The following ACTR3C variants were observed in gnomAD, a reference collection of about 807,000 sequenced individuals.
ACTR3C encodes the protein actin related protein 3C.
ACTR3C carries 18 observed loss-of-function variants against 26.3 expected under a neutral mutation model. That is an observed-to-expected ratio of 0.68 (90% CI 0.47 to 1.01). The LOEUF (loss-of-function observed/expected upper bound fraction) is 1.01, where lower values mean the gene tolerates loss of function less well. ACTR3C is among the 50% of genes least tolerant of loss of function. The probability of loss-of-function intolerance (pLI) is 0.00; values close to 1 mark genes in which losing one functional copy is unlikely to be tolerated. For synonymous variants in ACTR3C, 55 were observed against 94.5 expected (o/e 0.58, Z 2.42); for missense variants, 184 against 250.7 (o/e 0.73, Z 1.80).
At chr7:150,242,268 C>T (rs945168280), downstream of ACTR3C, among the ~76,000 whole-genome samples, 1 of 150,650 alleles carries the variant, frequency 6.6e-6, no homozygotes, top group Admixed American at 6.6e-5. Context: ...AATGGAAGTA[C>T]TACTCATTGA....
At chr7:150,208,269 G>C in the ACTR3C span, among the ~76,000 whole-genome samples, 1 of 152,264 alleles carries the variant, frequency 6.6e-6, no homozygotes, top group East Asian at 1.9e-4. Flanking sequence ...TTGCGCTAAA[G>C]GGTCTGAAAG....
chr7:150,253,727 G>A (rs1306823006), intron 6 of ACTR3C, among the ~76,000 whole-genome samples: 7 of 151,824 alleles, frequency 4.6e-5, no homozygotes, highest in African/African-American at 1.7e-4. Context: ...ATTACATGTT[G>A]ATCCTTTTTA....
At chr7:150,149,120 TATATATG>T in the ACTR3C span, among the ~76,000 whole-genome samples, 1 of 108,626 alleles carries the variant, frequency 9.2e-6, no homozygotes, top group Non-Finnish European at 1.9e-5. Flanking sequence ...TATATATATA[TATATATG>T]CATTGGCCAT....
At chr7:150,238,931 T>G (rs1256120602), downstream of ACTR3C, among the ~76,000 whole-genome samples, 1 of 149,558 alleles carries the variant, frequency 6.7e-6, no homozygotes, top group African/African-American at 2.5e-5. Context: ...CTCTATAACA[T>G]TCATATGACA....
At chr7:150,303,872 A>C (rs2129614513) in intron 1 of ACTR3C, among the ~76,000 whole-genome samples, 1 of 152,378 alleles carries the variant, frequency 6.6e-6, no homozygotes, top group South Asian at 2.1e-4. Context: ...TGATCAAAGC[A>C]TCAATGAATG....
At chr7:149,962,545 C>G in the ACTR3C span, among the ~76,000 whole-genome samples, 1 of 151,988 alleles carries the variant, frequency 6.6e-6, no homozygotes, top group Non-Finnish European at 1.5e-5. Context: ...CTTCTTCCTT[C>G]CCTGTGGGCA....
At chr7:150,126,776 G>A in the ACTR3C span, among the ~76,000 whole-genome samples, 2 of 152,166 alleles carry the variant, frequency 1.3e-5, no homozygotes, top group African/African-American at 2.4e-5. Context: ...ACCTGCATAG[G>A]TAAGTCCCCC....
chr7:150,008,553 C>T, the ACTR3C span, among the ~76,000 whole-genome samples: 1 of 152,048 alleles, frequency 6.6e-6, no homozygotes, highest in Non-Finnish European at 1.5e-5. Context: ...CAGGAAAGCA[C>T]GAGTTTCTCT....
At chr7:150,250,631 G>C (rs113859004) in intron 6 of ACTR3C, among the ~76,000 whole-genome samples, 4,750 of 151,946 alleles carry the variant, frequency 0.031, 297 homozygotes, top group African/African-American at 0.11. Context: ...CGAGTGGAGG[G>C]GAGAAGCCAG....
At chr7:150,008,690 C>A in the ACTR3C span, among the ~76,000 whole-genome samples, 53,214 of 147,468 alleles carry the variant, frequency 0.36, 9,048 homozygotes, top group East Asian at 0.45. Flanking sequence ...CCATCTCACA[C>A]TGAGACTCAA....
At chr7:150,127,713 T>C in the ACTR3C span, among the ~76,000 whole-genome samples, 1 of 152,146 alleles carries the variant, frequency 6.6e-6, no homozygotes, top group Non-Finnish European at 1.5e-5. Flanking sequence ...TTTTGCGACT[T>C]GTATTAATAT....
At chr7:150,161,301 G>T in the ACTR3C span, among the ~76,000 whole-genome samples, 1 of 148,052 alleles carries the variant, frequency 6.8e-6, no homozygotes, top group African/African-American at 2.5e-5. Flanking sequence ...TGCCATGTTG[G>T]TGTGCTGCAC....
chr7:149,975,434 C>T, the ACTR3C span, among the ~76,000 whole-genome samples: 1 of 151,842 alleles, frequency 6.6e-6, no homozygotes, highest in Non-Finnish European at 1.5e-5. Flanking sequence ...TAGCCGTAAA[C>T]ATTTATATTA....
chr7:150,202,055 G>T, the ACTR3C span, among the ~76,000 whole-genome samples: 1 of 152,114 alleles, frequency 6.6e-6, no homozygotes, highest in African/African-American at 2.4e-5. Context: ...ATGTCATAGT[G>T]ACATTTCCTT....
chr7:150,220,911 G>A, the ACTR3C span, among the ~76,000 whole-genome samples: 1 of 152,298 alleles, frequency 6.6e-6, no homozygotes, highest in Admixed American at 6.5e-5. Context: ...GGGTTAAGGA[G>A]GGACTGGTGC....
the ACTR3C span, among the ~76,000 whole-genome samples, chr7:150,236,385 A>C: frequency 2.6e-5 from 4 of 152,216 alleles, no homozygotes; most frequent in African/African-American, 9.6e-5. Flanking sequence ...TACCAAGTAC[A>C]TAATTGACAC....
the ACTR3C span, among the ~76,000 whole-genome samples, chr7:150,033,031 G>A: frequency 6.6e-6 from 1 of 152,236 alleles, no homozygotes; most frequent in East Asian, 1.9e-4. Context: ...GGCAGGACGG[G>A]CCAGTGCAAT....
At chr7:149,969,432 C>A in the ACTR3C span, among the ~76,000 whole-genome samples, 1 of 152,034 alleles carries the variant, frequency 6.6e-6, no homozygotes, top group Non-Finnish European at 1.5e-5. Flanking sequence ...CACTTGGGTG[C>A]ACAGCTCGTG....
chr7:150,222,370 A>T, the ACTR3C span, among the ~76,000 whole-genome samples: 2 of 152,160 alleles, frequency 1.3e-5, no homozygotes, highest in African/African-American at 2.4e-5. Context: ...TTATAGCTGC[A>T]CCTTTCCACG....
Sources: allele counts gnomAD v4.1 joint callset (sites outside exome capture counted in the v4.1 genomes callset), GRCh38; gene constraint gnomAD v4.1.1; transcripts MANE v1.5; gene names NCBI Gene and HGNC (gene_info 2026-07-23, HGNC 2026-07-21).